Variants in RPS6KC1 observed in about 807,000 individuals in gnomAD.
RPS6KC1 encodes ribosomal protein S6 kinase C1, also known as inactive ribosomal protein S6 kinase delta-1.
RPS6KC1 carries 54 observed loss-of-function variants against 103.8 expected under a neutral mutation model. That is an observed-to-expected ratio of 0.52 (90% CI 0.42 to 0.65). RPS6KC1 has a LOEUF of 0.65. Ranked by LOEUF, RPS6KC1 falls within the 30% of genes least tolerant of loss-of-function variation. The pLI, the probability that RPS6KC1 is intolerant of heterozygous loss-of-function variation, is 0.00. For synonymous variants in RPS6KC1, 439 were observed against 438.7 expected (o/e 1.00, Z -0.01); for missense variants, 1,151 against 1,253.8 (o/e 0.92, Z 1.24).
chr1:213,465,171 T>C, the RPS6KC1 span, among the ~76,000 whole-genome samples: 1 of 152,158 alleles, frequency 6.6e-6, no homozygotes, highest in Non-Finnish European at 1.5e-5. Flanking sequence ...CTCTGCCCAG[T>C]TCTGCTTCGC....
chr1:213,626,912 C>A, the RPS6KC1 span, among the ~76,000 whole-genome samples: 9 of 152,210 alleles, frequency 5.9e-5, no homozygotes, highest in Middle Eastern at 3.4e-3. Flanking sequence ...GATGCGGGCT[C>A]TTTTTTGGTT....
At chr1:213,390,745 G>A in the RPS6KC1 span, among the ~76,000 whole-genome samples, 1 of 152,140 alleles carries the variant, frequency 6.6e-6, no homozygotes, top group South Asian at 2.1e-4. Flanking sequence ...TATAGACCTC[G>A]TGTTTTGAGG....
At chr1:213,692,494 C>T in the RPS6KC1 span, among the ~76,000 whole-genome samples, 1 of 152,022 alleles carries the variant, frequency 6.6e-6, no homozygotes, top group Admixed American at 6.5e-5. Flanking sequence ...ATGGTTTGAC[C>T]TTTGACTTGG....
the RPS6KC1 span, among the ~76,000 whole-genome samples, chr1:213,559,420 G>A: frequency 6.6e-6 from 1 of 152,124 alleles, no homozygotes; most frequent in African/African-American, 2.4e-5. Context: ...TGACTGCGAG[G>A]GCCACAGCAT....
At chr1:213,275,811 A>G (rs1474804859), downstream of RPS6KC1, among the ~76,000 whole-genome samples, 1 of 152,184 alleles carries the variant, frequency 6.6e-6, no homozygotes, top group Admixed American at 6.5e-5. Context: ...AGATTGCCAG[A>G]ACCTATTCTT....
the RPS6KC1 span, among the ~76,000 whole-genome samples, chr1:213,324,123 CT>C: frequency 2.0e-5 from 3 of 152,156 alleles, no homozygotes; most frequent in East Asian, 5.8e-4. Flanking sequence ...GAGTCATGGT[CT>C]TTATCTCCAG....
At chr1:213,808,465 C>T in the RPS6KC1 span, among the ~76,000 whole-genome samples, 3 of 152,234 alleles carry the variant, frequency 2.0e-5, no homozygotes, top group Non-Finnish European at 4.4e-5. Context: ...TTTGTTTACC[C>T]AAGCAAGCCT....
intron 3 of RPS6KC1, among the ~76,000 whole-genome samples, chr1:213,103,884 AC>A (rs1214261450): frequency 6.6e-6 from 1 of 152,174 alleles, no homozygotes; most frequent in East Asian, 1.9e-4. Flanking sequence ...GTAAAGCAGA[AC>A]TCACTGGTGC....
At chr1:213,115,615 T>C (rs2148875766) in intron 4 of RPS6KC1, among the ~76,000 whole-genome samples, 2 of 152,258 alleles carry the variant, frequency 1.3e-5, no homozygotes, top group East Asian at 3.9e-4. Flanking sequence ...GTGTTTGCTC[T>C]TGCTTTTCTA....
intron 6 of RPS6KC1, among the ~76,000 whole-genome samples, chr1:213,148,370 G>A (rs1028110496): frequency 5.9e-5 from 9 of 152,042 alleles, no homozygotes; most frequent in Non-Finnish European, 8.8e-5. Flanking sequence ...CAGTTTTTGA[G>A]GGGTTTTTAT....
the RPS6KC1 span, among the ~76,000 whole-genome samples, chr1:213,649,718 C>T: frequency 6.6e-6 from 1 of 152,098 alleles, no homozygotes; most frequent in Non-Finnish European, 1.5e-5. Flanking sequence ...ATCGTAAGCT[C>T]CTCGAGAGCT....
chr1:213,207,120 A>G (rs539800903), intron 8 of RPS6KC1, among the ~76,000 whole-genome samples: 3 of 152,290 alleles, frequency 2.0e-5, no homozygotes, highest in Admixed American at 6.5e-5. Context: ...GTATATATAT[A>G]TAGCTTCTGT....
the RPS6KC1 span, among the ~76,000 whole-genome samples, chr1:213,378,495 C>T: frequency 6.6e-6 from 1 of 152,114 alleles, no homozygotes; most frequent in African/African-American, 2.4e-5. Flanking sequence ...TTGATATAAG[C>T]TTGTGCTCCC....
the RPS6KC1 span, among the ~76,000 whole-genome samples, chr1:213,814,116 C>G: frequency 6.6e-6 from 1 of 152,222 alleles, no homozygotes; most frequent in South Asian, 2.1e-4. Flanking sequence ...GAAAACCAGA[C>G]AGCAGAGGCA....
intron 10 of RPS6KC1, among the ~76,000 whole-genome samples, chr1:213,234,617 G>A (rs1314027110): frequency 6.6e-6 from 1 of 152,186 alleles, no homozygotes; most frequent in Non-Finnish European, 1.5e-5. Context: ...GCAGAGTGAG[G>A]ACAACGTGAG....
chr1:213,218,782 A>G (rs1231029235), intron 8 of RPS6KC1, among the ~76,000 whole-genome samples: 1 of 152,224 alleles, frequency 6.6e-6, no homozygotes, highest in Non-Finnish European at 1.5e-5. Flanking sequence ...AGGATTCCCT[A>G]TTTAATAAAT....
the RPS6KC1 span, among the ~76,000 whole-genome samples, chr1:213,470,611 A>ATTT: frequency 9.0e-4 from 90 of 99,768 alleles, no homozygotes; most frequent in African/African-American, 3.3e-3. Flanking sequence ...TTTATTCTTA[A>ATTT]TTTTTTTTTT....
chr1:213,328,049 A>G, the RPS6KC1 span, among the ~76,000 whole-genome samples: 1 of 152,088 alleles, frequency 6.6e-6, no homozygotes, highest in African/African-American at 2.4e-5. Context: ...AGTATTATTT[A>G]TTTTTTAAAT....
the RPS6KC1 span, among the ~76,000 whole-genome samples, chr1:213,310,224 G>C: frequency 6.6e-6 from 1 of 152,148 alleles, no homozygotes; most frequent in African/African-American, 2.4e-5. Flanking sequence ...AAAGAGGTCA[G>C]ACCTTATTCC....
Sources: gnomAD v4.1 joint callset for allele counts (sites outside exome capture counted in the v4.1 genomes callset) on GRCh38, gnomAD v4.1.1 for gene constraint, MANE v1.5 for transcripts, NCBI Gene and HGNC (gene_info 2026-07-23, HGNC 2026-07-21) for gene names.